Variants in CTNND2 observed in about 807,000 individuals in gnomAD.
The protein encoded by CTNND2 is catenin delta-2.
Under a neutral mutation model 144.4 loss-of-function variants are expected in CTNND2, and 22 were observed. The observed-to-expected ratio is 0.15, with a 90% CI of 0.11 to 0.22. The LOEUF is 0.22. Among genes scored for constraint, CTNND2 ranks in the 10% least tolerant of loss-of-function variants. CTNND2 has a pLI of 1.00. For missense variants in CTNND2, 1,353 were observed against 1,618.8 expected, an observed-to-expected ratio of 0.84 and a Z score of 2.82; for synonymous variants, 751 against 695.6, an observed-to-expected ratio of 1.08 and a Z score of -1.25.
intron 8 of CTNND2, among the ~76,000 whole-genome samples, chr5:11,354,835 T>C (rs2149754499): frequency 6.6e-6 from 1 of 152,246 alleles, no homozygotes; most frequent in South Asian, 2.1e-4. Flanking sequence ...TTCTCCAGGA[T>C]AGATCATATG....
At chr5:11,771,365 G>A (rs1470771385) in intron 1 of CTNND2, among the ~76,000 whole-genome samples, 1 of 151,796 alleles carries the variant, frequency 6.6e-6, no homozygotes, top group East Asian at 1.9e-4. Flanking sequence ...CTTGTGATCT[G>A]CCTGCCTCTG....
chr5:11,707,313 A>T (rs1043795203), intron 2 of CTNND2, among the ~76,000 whole-genome samples: 1 of 152,208 alleles, frequency 6.6e-6, no homozygotes, highest in African/African-American at 2.4e-5. Context: ...CTGCAGAAAC[A>T]GAGCCGGTCT....
At chr5:11,118,543 A>G (rs1349030727) in intron 12 of CTNND2, among the ~76,000 whole-genome samples, 9 of 152,236 alleles carry the variant, frequency 5.9e-5, no homozygotes, top group Non-Finnish European at 1.3e-4. Context: ...TCTCTGACTC[A>G]GAATGTCTGG....
intron 1 of CTNND2, among the ~76,000 whole-genome samples, chr5:11,747,474 A>C (rs1034539167): frequency 2.0e-5 from 3 of 152,192 alleles, no homozygotes; most frequent in African/African-American, 7.2e-5. Context: ...ACTGTCCAGA[A>C]TACACTGTCA....
At chr5:11,728,512 T>C (rs1787148613) in intron 2 of CTNND2, among the ~76,000 whole-genome samples, 1 of 152,062 alleles carries the variant, frequency 6.6e-6, no homozygotes, top group South Asian at 2.1e-4. Context: ...AGAAATGTCT[T>C]ACTCTTACTT....
At chr5:11,774,545 T>TATA (rs2126833020) in intron 1 of CTNND2, among the ~76,000 whole-genome samples, 2 of 57,536 alleles carry the variant, frequency 3.5e-5, no homozygotes, top group Admixed American at 3.0e-4. Flanking sequence ...AAACTTAAAG[T>TATA]ATAATAAAAA....
At chr5:11,398,378 T>A (rs564916922) in intron 5 of CTNND2, among the ~76,000 whole-genome samples, 3 of 152,280 alleles carry the variant, frequency 2.0e-5, no homozygotes, top group East Asian at 3.9e-4. Flanking sequence ...AAATAATGCA[T>A]CCTCTTTTAA....
intron 3 of CTNND2, among the ~76,000 whole-genome samples, chr5:11,472,177 T>C (rs1767291211): frequency 6.6e-6 from 1 of 152,186 alleles, no homozygotes; most frequent in South Asian, 2.1e-4. Context: ...ACTTAATCCT[T>C]ATAACTGTTG....
At chr5:11,318,730 T>C (rs1454501904) in intron 9 of CTNND2, among the ~76,000 whole-genome samples, 2 of 152,090 alleles carry the variant, frequency 1.3e-5, no homozygotes, top group African/African-American at 2.4e-5. Context: ...CTTACAACGA[T>C]GCCCTCTTTC....
At chr5:11,077,422 A>G (rs1407798185) in intron 16 of CTNND2, among the ~76,000 whole-genome samples, 4 of 152,188 alleles carry the variant, frequency 2.6e-5, no homozygotes, top group African/African-American at 9.7e-5. Context: ...CATGAATGCC[A>G]AGAGGAAGAG....
chr5:11,476,619 A>T (rs535953564), intron 3 of CTNND2, among the ~76,000 whole-genome samples: 1 of 152,328 alleles, frequency 6.6e-6, no homozygotes, highest in African/African-American at 2.4e-5. Flanking sequence ...TAATAATAAT[A>T]TCTATTTGCT....
chr5:11,236,907 G>A, intron 9 of CTNND2, 84 bp from the exon 10 acceptor site: 1 of 1,415,568 alleles, frequency 7.1e-7, no homozygotes, highest in Non-Finnish European at 9.8e-7. Flanking sequence ...TGTATGAAAT[G>A]TACCTGACTC....
rs578114164 is a variant in CTNND2 at position 11,126,228 on chromosome 5, G to T, written c.2160-8661C>A. Among the ~76,000 whole-genome samples, 59 of 152,272 alleles carry T rather than the reference G, an allele frequency of 3.9e-4. 1 individual carries two copies. In the South Asian group the frequency reaches 0.012, roughly 32 times the overall value. ...AGGCAGGAGAATTGCTTGAACCCGG[G>T]ATGCGGAGGTTGCGGTGAGCTGAGA... On this transcript the variant is annotated intron_variant, in intron 12 of 21. Transcript: ENST00000304623.
intron 18 of CTNND2, among the ~76,000 whole-genome samples, chr5:11,007,790 G>C (rs1177126344): frequency 6.6e-6 from 1 of 152,208 alleles, no homozygotes; most frequent in African/African-American, 2.4e-5. Context: ...TACTCAAAAG[G>C]AGCATTGGTG....
intron 16 of CTNND2, among the ~76,000 whole-genome samples, chr5:11,078,634 C>T (rs59999688): frequency 0.052 from 7,892 of 152,164 alleles, 639 homozygotes; most frequent in African/African-American, 0.18. Context: ...AAAAAAAACA[C>T]ACATACAAAC....
intron 16 of CTNND2, among the ~76,000 whole-genome samples, chr5:11,074,344 T>C (rs1239899708): frequency 1.3e-5 from 2 of 152,110 alleles, no homozygotes; most frequent in East Asian, 3.8e-4. Context: ...CAGCAGACAG[T>C]GGGGGTGCAA....
At chr5:11,051,802 A>C (rs1256570118) in intron 16 of CTNND2, among the ~76,000 whole-genome samples, 1 of 152,234 alleles carries the variant, frequency 6.6e-6, no homozygotes, top group Non-Finnish European at 1.5e-5. Context: ...ATCAAAAGGC[A>C]AGTAAGAGTG....
At chr5:11,822,489 C>T (rs1793366925) in intron 1 of CTNND2, among the ~76,000 whole-genome samples, 1 of 152,102 alleles carries the variant, frequency 6.6e-6, no homozygotes, top group Admixed American at 6.6e-5. Flanking sequence ...GGTAGGCAGT[C>T]TCAAAAACAG....
chr5:11,287,870 A>G (rs547332846), intron 9 of CTNND2, among the ~76,000 whole-genome samples: 1 of 152,362 alleles, frequency 6.6e-6, no homozygotes, highest in South Asian at 2.1e-4. Context: ...TGCTACACCA[A>G]AATAAAAACT....
Sources: allele counts gnomAD v4.1 joint callset (sites outside exome capture counted in the v4.1 genomes callset), GRCh38; gene constraint gnomAD v4.1.1; transcripts MANE v1.5; gene names NCBI Gene and HGNC (gene_info 2026-07-23, HGNC 2026-07-21).